SLC35F3: variants seen among roughly 807,000 people sequenced by gnomAD.
SLC35F3 encodes the protein putative thiamine transporter SLC35F3.
Under a neutral mutation model 49.9 loss-of-function variants are expected in SLC35F3, and 25 were observed. The ratio of observed to expected loss-of-function variants is 0.50; its 90% CI spans 0.37 to 0.70. SLC35F3 has a LOEUF of 0.70. SLC35F3 is among the 30% of genes least tolerant of loss of function. The pLI is 0.00. For synonymous variants in SLC35F3, 275 were observed against 265.4 expected (o/e 1.04, Z -0.35); for missense variants, 525 against 639.8 (o/e 0.82, Z 1.94).
intron 2 of SLC35F3, among the ~76,000 whole-genome samples, chr1:234,089,353 A>G (rs1454895896): frequency 6.6e-6 from 1 of 152,190 alleles, no homozygotes; most frequent in Non-Finnish European, 1.5e-5. Context: ...AGACTTTAGG[A>G]AAATGGAGAG....
chr1:233,969,021 C>T (rs1043310130), intron 2 of SLC35F3, among the ~76,000 whole-genome samples: 2 of 150,922 alleles, frequency 1.3e-5, no homozygotes, highest in Non-Finnish European at 2.9e-5. Context: ...AAAGAAGATC[C>T]CATTATGAGG....
chr1:233,987,178 T>C (rs1162863292), intron 2 of SLC35F3, among the ~76,000 whole-genome samples: 1 of 152,112 alleles, frequency 6.6e-6, no homozygotes, highest in Non-Finnish European at 1.5e-5. Context: ...TAATCTCAGC[T>C]ACTCCAGAGG....
At chr1:234,290,455 C>T (rs1668488842) in intron 3 of SLC35F3, among the ~76,000 whole-genome samples, 1 of 152,216 alleles carries the variant, frequency 6.6e-6, no homozygotes, top group Non-Finnish European at 1.5e-5. Context: ...TATACTCCCA[C>T]ACATGCAGGG....
intron 2 of SLC35F3, among the ~76,000 whole-genome samples, chr1:233,951,202 A>G (rs1571993395): frequency 6.6e-6 from 1 of 152,048 alleles, no homozygotes; most frequent in South Asian, 2.1e-4. Flanking sequence ...GATGGACTGC[A>G]TATGCAATGA....
chr1:234,199,771 A>G (rs555869574), intron 2 of SLC35F3, among the ~76,000 whole-genome samples: 6 of 151,970 alleles, frequency 3.9e-5, no homozygotes, highest in Admixed American at 1.3e-4. Context: ...ACAAAAAAAT[A>G]AGTAACTCAA....
At chr1:234,136,306 TTCTC>T (rs1665811262) in intron 2 of SLC35F3, among the ~76,000 whole-genome samples, 1 of 151,368 alleles carries the variant, frequency 6.6e-6, no homozygotes, top group Non-Finnish European at 1.5e-5. Flanking sequence ...TCTTTCTCCT[TTCTC>T]TCTTTCTTTT....
intron 2 of SLC35F3, among the ~76,000 whole-genome samples, chr1:234,081,401 A>G (rs1480943416): frequency 1.3e-5 from 2 of 152,314 alleles, no homozygotes; most frequent in East Asian, 3.9e-4. Flanking sequence ...TTGTTGGAAA[A>G]TAAGCTCAGA....
At chr1:233,982,597 C>A (rs1663203787) in intron 2 of SLC35F3, among the ~76,000 whole-genome samples, 1 of 152,176 alleles carries the variant, frequency 6.6e-6, no homozygotes, top group South Asian at 2.1e-4. Flanking sequence ...TGGTCTCGAA[C>A]TCCTGACCTC....
chr1:233,953,901 G>T lies in SLC35F3; in HGVS notation c.283+48143G>T, dbSNP rs190112719. Among the ~76,000 whole-genome samples the T allele has an allele frequency of 2.0e-3, 302 of 152,304 alleles. 3 individuals carry two copies. The highest frequency in any genetic ancestry group is 6.6e-3 in the African/African-American group (274 of 41,564). On this transcript the variant is annotated intron_variant, in intron 2 of 7. Transcript: ENST00000366618. ...GGAGCAACAGTAAGATGTGGCCCAGGCTGCATTTCTGAAAAGAGCACTTCC... is the reference window on the plus strand; with the variant it reads ...GGAGCAACAGTAAGATGTGGCCCAGTCTGCATTTCTGAAAAGAGCACTTCC...
At position 234,237,810 on chromosome 1, in the gene SLC35F3, C is replaced by T. The variant is rs562785206; in HGVS notation, c.608+6069C>T. Among the ~76,000 whole-genome samples the T allele has an allele frequency of 1.6e-4, 25 of 152,308 alleles. No homozygotes were observed. The South Asian group carries it at 5.2e-3, about 32-fold the overall frequency. On this transcript the variant is annotated intron_variant, in intron 3 of 7. Transcript: ENST00000366618. ...CAAGTGGAAATGCCCTTTACCTTCA[C>T]CCTTCCTCCTACCTCATAGCAGTCT...
Position 234,213,515 on chromosome 1 carries a change from G to A in SLC35F3, c.284-17902G>A, listed in dbSNP as rs1253257934. The stretch of plus-strand genomic sequence containing the variant: ...TGGGATAAATGCCCCTCCGGACTCA[G>A]TGGTCACTCAGGGATTGTGCTGGCA... On this transcript the variant is annotated intron_variant, in intron 2 of 7. Coordinates refer to ENST00000366618, the MANE Select transcript of SLC35F3 (RefSeq NM_173508.4). 3 of 152,450 alleles carry A rather than the reference G, an allele frequency of 2.0e-5. No individual in the cohort carries two copies. In the East Asian group the frequency reaches 5.8e-4, roughly 29 times the overall value. 9.4% of individuals were successfully genotyped at this position (152,450 alleles called of 1,614,324 possible).
intron 2 of SLC35F3, among the ~76,000 whole-genome samples, chr1:233,908,049 T>A (rs1661804692): frequency 6.6e-6 from 1 of 152,218 alleles, no homozygotes; most frequent in Admixed American, 6.5e-5. Context: ...AAGGCAGAAC[T>A]TTTGCTGTTT....
chr1:233,975,589 G>T (rs866256283), intron 2 of SLC35F3, among the ~76,000 whole-genome samples: 1 of 152,210 alleles, frequency 6.6e-6, no homozygotes, highest in Admixed American at 6.5e-5. Context: ...TGATAGACAT[G>T]ATATCCATGA....
intron 2 of SLC35F3, among the ~76,000 whole-genome samples, chr1:234,040,202 A>G (rs1664200158): frequency 6.6e-6 from 1 of 152,082 alleles, no homozygotes; most frequent in Non-Finnish European, 1.5e-5. Context: ...TCTCCTCTGA[A>G]GTCAAGTTGC....
At chr1:234,090,066 A>G (rs761683203) in intron 2 of SLC35F3, among the ~76,000 whole-genome samples, 10 of 152,368 alleles carry the variant, frequency 6.6e-5, no homozygotes, top group Admixed American at 3.3e-4. Context: ...GCAATGATAA[A>G]TTTTAAACAA....
intron 2 of SLC35F3, among the ~76,000 whole-genome samples, chr1:233,950,112 C>T (rs1041452548): frequency 6.6e-6 from 1 of 152,022 alleles, no homozygotes; most frequent in African/African-American, 2.4e-5. Context: ...AAAGAGAACA[C>T]TCTCTGGAGG....
At chr1:234,235,653 T>A (rs1271303610) in intron 3 of SLC35F3, among the ~76,000 whole-genome samples, 1 of 152,248 alleles carries the variant, frequency 6.6e-6, no homozygotes, top group Non-Finnish European at 1.5e-5. Flanking sequence ...GACCTTCTGC[T>A]ATCATGCAGC....
At chr1:234,060,304 T>C (rs1664521389) in intron 2 of SLC35F3, among the ~76,000 whole-genome samples, 1 of 152,224 alleles carries the variant, frequency 6.6e-6, no homozygotes, top group Admixed American at 6.5e-5. Flanking sequence ...ATCTTTTTCC[T>C]CATTGCTTGT....
intron 2 of SLC35F3, among the ~76,000 whole-genome samples, chr1:234,204,093 A>G (rs1451875556): frequency 1.3e-5 from 2 of 152,122 alleles, no homozygotes; most frequent in African/African-American, 4.8e-5. Context: ...AATACACCAT[A>G]CTTTATTTCC....
Sources: allele counts gnomAD v4.1 joint callset (sites outside exome capture counted in the v4.1 genomes callset), GRCh38; gene constraint gnomAD v4.1.1; transcripts MANE v1.5; gene names NCBI Gene and HGNC (gene_info 2026-07-23, HGNC 2026-07-21).